The following ZBTB7C variants were observed in gnomAD, a reference collection of about 807,000 sequenced individuals.
The protein encoded by ZBTB7C is zinc finger and BTB domain containing 7C, also known as zinc finger and BTB domain-containing protein 7C.
In ZBTB7C, 8 loss-of-function variants were observed where a neutral mutation model predicts 25.7. The observed-to-expected ratio is 0.31, with a 90% CI of 0.18 to 0.56. The LOEUF (loss-of-function observed/expected upper bound fraction) is 0.56, where lower values mean the gene tolerates loss of function less well. Ranked by LOEUF, ZBTB7C falls within the 20% of genes least tolerant of loss-of-function variation. ZBTB7C has a pLI of 0.91. For synonymous variants in ZBTB7C, 394 were observed against 369.0 expected (o/e 1.07, Z -0.78); for missense variants, 824 against 855.2 (o/e 0.96, Z 0.46).
intron 3 of ZBTB7C, among the ~76,000 whole-genome samples, chr18:48,173,839 A>G (rs959682912): frequency 2.6e-5 from 4 of 152,142 alleles, no homozygotes; most frequent in South Asian, 2.1e-4. Context: ...TGTCACGGGG[A>G]CTGATCTTGA....
intron 2 of ZBTB7C, among the ~76,000 whole-genome samples, chr18:48,237,508 G>GA (rs1158027993): frequency 1.3e-5 from 2 of 152,144 alleles, no homozygotes; most frequent in Admixed American, 6.5e-5. Context: ...TCAGGGAAAT[G>GA]AAAATTAAAA....
At chr18:48,402,822 G>T (rs1325757063) in intron 1 of ZBTB7C, among the ~76,000 whole-genome samples, 1 of 152,230 alleles carries the variant, frequency 6.6e-6, no homozygotes, top group South Asian at 2.1e-4. Context: ...GGATGTTTTT[G>T]ATTTTATTCT....
At chr18:48,316,874 G>A (rs2045961001) in intron 2 of ZBTB7C, among the ~76,000 whole-genome samples, 1 of 152,122 alleles carries the variant, frequency 6.6e-6, no homozygotes, top group South Asian at 2.1e-4. Flanking sequence ...CACCTCTCTG[G>A]GCCTCAGTTT....
At chr18:48,056,070 T>C (rs972300738) in intron 3 of ZBTB7C, among the ~76,000 whole-genome samples, 6 of 152,342 alleles carry the variant, frequency 3.9e-5, no homozygotes, top group African/African-American at 1.4e-4. Flanking sequence ...GATGATATGA[T>C]TGGATACTTT....
At chr18:48,242,476 C>G (rs2043555834) in intron 2 of ZBTB7C, among the ~76,000 whole-genome samples, 1 of 152,228 alleles carries the variant, frequency 6.6e-6, no homozygotes, top group East Asian at 1.9e-4. Context: ...ATTCCAACAG[C>G]AGAATATCAA....
chr18:48,141,129 G>C (rs1443043977), intron 3 of ZBTB7C, among the ~76,000 whole-genome samples: 1 of 136,642 alleles, frequency 7.3e-6, no homozygotes, highest in African/African-American at 2.7e-5. Context: ...ATCACAGATA[G>C]GCATCCCCCC....
Position 48,240,628 on chromosome 18 carries a change from T to C in ZBTB7C, c.-78-54633A>G, listed in dbSNP as rs953270212. 1.8e-4 allele frequency among the ~76,000 whole-genome samples: 28 copies of C among 152,194 alleles called. 1 individual carries two copies. The highest frequency in any genetic ancestry group is 6.5e-4 in the African/African-American group (27 of 41,440). ...ATAAATGAAGGAAAAATAAAGTCTT[T>C]TTCAGACAAACAAATGATGAGAGAA... On this transcript the variant is annotated intron_variant, in intron 2 of 4. Transcript: ENST00000590800.
chr18:48,122,705 C>T (rs2039671075), intron 3 of ZBTB7C, among the ~76,000 whole-genome samples: 1 of 152,236 alleles, frequency 6.6e-6, no homozygotes. Flanking sequence ...AGTGGCCTTC[C>T]CAGTGAATGA....
At position 48,234,188 on chromosome 18, in the gene ZBTB7C, C is replaced by T. The variant is rs1264476234; in HGVS notation, c.-78-48193G>A. ...CTTCTTTCTGAAGTCTTCTGCAACG[C>T]TATAGTCCACAAGCAGACTGCTTTC... On this transcript the variant is annotated intron_variant, in intron 2 of 4. Transcript: ENST00000590800. 3.3e-5 allele frequency among the ~76,000 whole-genome samples: 5 copies of T among 151,756 alleles called. 1 individual carries two copies. The South Asian group carries it at 1.0e-3, about 32-fold the overall frequency.
chr18:48,204,524 T>G (rs2145216642), intron 2 of ZBTB7C, among the ~76,000 whole-genome samples: 1 of 152,314 alleles, frequency 6.6e-6, no homozygotes, highest in Non-Finnish European at 1.5e-5. Context: ...CTTTCCTTGC[T>G]GATAGAGCCG....
chr18:48,331,033 C>A (rs1379806196), intron 2 of ZBTB7C, among the ~76,000 whole-genome samples: 1 of 152,146 alleles, frequency 6.6e-6, no homozygotes, highest in East Asian at 1.9e-4. Flanking sequence ...CACACCACCC[C>A]AGCCAAGAGT....
intron 2 of ZBTB7C, among the ~76,000 whole-genome samples, chr18:48,199,323 A>G (rs1052858337): frequency 2.0e-5 from 3 of 151,832 alleles, no homozygotes; most frequent in East Asian, 3.9e-4. Flanking sequence ...TGGCCCTCCT[A>G]ATTTCCTTAA....
chr18:48,208,509 G>C (rs2145234130), intron 2 of ZBTB7C, among the ~76,000 whole-genome samples: 1 of 152,304 alleles, frequency 6.6e-6, no homozygotes, highest in East Asian at 1.9e-4. Flanking sequence ...CAAAGGGGGT[G>C]GGGGAATATC....
chr18:48,317,868 G>A (rs1001102826), intron 2 of ZBTB7C, among the ~76,000 whole-genome samples: 2 of 151,888 alleles, frequency 1.3e-5, no homozygotes, highest in Non-Finnish European at 2.9e-5. Context: ...GTGGGCCAGG[G>A]CATCAGAATT....
chr18:48,233,367 T>C (rs2043302260), intron 2 of ZBTB7C, among the ~76,000 whole-genome samples: 1 of 152,196 alleles, frequency 6.6e-6, no homozygotes, highest in African/African-American at 2.4e-5. Context: ...TTATAATGTA[T>C]CCAGTCTCTG....
chr18:48,305,808 C>T (rs887899250), intron 2 of ZBTB7C, among the ~76,000 whole-genome samples: 1 of 152,082 alleles, frequency 6.6e-6, no homozygotes, highest in Non-Finnish European at 1.5e-5. Flanking sequence ...AAGTCACTTG[C>T]CCAGAGGCTC....
chr18:48,096,069 G>A (rs1312886760), intron 3 of ZBTB7C, among the ~76,000 whole-genome samples: 1 of 152,204 alleles, frequency 6.6e-6, no homozygotes, highest in Non-Finnish European at 1.5e-5. Flanking sequence ...CGTTATCGGG[G>A]GCTCAGGTTC....
intron 3 of ZBTB7C, among the ~76,000 whole-genome samples, chr18:48,142,561 C>T (rs1448205208): frequency 6.6e-6 from 1 of 152,060 alleles, no homozygotes; most frequent in Non-Finnish European, 1.5e-5. Context: ...GGGCCTCACC[C>T]TCCTCCCAGA....
At chr18:48,087,665 T>C (rs190402442) in intron 3 of ZBTB7C, 2 of 152,182 alleles carry the variant, frequency 1.3e-5, no homozygotes, top group East Asian at 1.9e-4. Context: ...CACGGTGTCA[T>C]GTACCTGTAG....
Sources: allele counts gnomAD v4.1 joint callset (sites outside exome capture counted in the v4.1 genomes callset), GRCh38; gene constraint gnomAD v4.1.1; transcripts MANE v1.5; gene names NCBI Gene and HGNC (gene_info 2026-07-23, HGNC 2026-07-21).